The following DPYD variants were observed in gnomAD, a reference collection of about 807,000 sequenced individuals.
DPYD encodes the protein dihydropyrimidine dehydrogenase.
A neutral mutation model predicts 116.2 loss-of-function variants in DPYD; 109 were observed. The observed-to-expected ratio is 0.94, with a 90% CI of 0.80 to 1.10. The LOEUF is 1.10. DPYD is among the 50% of genes least tolerant of loss of function. The pLI is 0.00. For synonymous variants in DPYD, 440 were observed against 432.0 expected (o/e 1.02, Z -0.23); for missense variants, 1,302 against 1,254.5 (o/e 1.04, Z -0.57).
At position 97,562,975 on chromosome 1, in the gene DPYD, G is replaced by A. The variant is rs185867783; in HGVS notation, c.1339+10785C>T. ...CTCAAGTGATCCACCTGCCTCAGCC[G>A]CCCAAAGTGCTGGGATTACAGGCGT... is the stretch of plus-strand genomic sequence containing the variant. On this transcript the variant is annotated intron_variant, in intron 11 of 22. Coordinates refer to ENST00000370192, the MANE Select transcript of DPYD (RefSeq NM_000110.4). 8.6e-3 allele frequency among the ~76,000 whole-genome samples: 1,300 copies of A among 151,972 alleles called. 19 individuals carry two copies. Among genetic ancestry groups the A allele is most frequent in the African/African-American group, 0.029 (1,198 of 41,456 alleles).
chr1:97,301,638 T>C (rs1666870115), intron 18 of DPYD, among the ~76,000 whole-genome samples: 1 of 151,948 alleles, frequency 6.6e-6, no homozygotes, highest in Non-Finnish European at 1.5e-5. Flanking sequence ...TTCAAATGAA[T>C]TCACCCCATT....
chr1:97,113,968 C>G (rs569936528), intron 20 of DPYD, among the ~76,000 whole-genome samples: 1 of 152,120 alleles, frequency 6.6e-6, no homozygotes, highest in Non-Finnish European at 1.5e-5. Context: ...TTCTAAGTCT[C>G]CTTCTCATCA....
chr1:97,553,928 C>G (rs1271145933), intron 11 of DPYD, among the ~76,000 whole-genome samples: 1 of 152,082 alleles, frequency 6.6e-6, no homozygotes, highest in Non-Finnish European at 1.5e-5. Flanking sequence ...GTCCTTAATT[C>G]ATACCAAACA....
intron 18 of DPYD, among the ~76,000 whole-genome samples, chr1:97,291,205 G>T (rs1317686451): frequency 6.6e-6 from 1 of 152,086 alleles, no homozygotes; most frequent in African/African-American, 2.4e-5. Flanking sequence ...TGGAGAGGAT[G>T]TGGAGAAATA....
At chr1:97,103,483 G>C (rs1650905645) in intron 20 of DPYD, among the ~76,000 whole-genome samples, 1 of 152,078 alleles carries the variant, frequency 6.6e-6, no homozygotes. Flanking sequence ...CTATGTGATG[G>C]CTAATGATGC....
intron 16 of DPYD, among the ~76,000 whole-genome samples, chr1:97,355,865 G>T (rs768333208): frequency 3.4e-4 from 51 of 152,082 alleles, no homozygotes; most frequent in Admixed American, 1.4e-3. Context: ...GTTGCCTATT[G>T]TGAATAGTAC....
intron 2 of DPYD, among the ~76,000 whole-genome samples, chr1:97,866,493 G>A (rs1259413875): frequency 2.0e-5 from 3 of 151,884 alleles, no homozygotes; most frequent in Non-Finnish European, 4.4e-5. Flanking sequence ...TGGAATCTTT[G>A]TTTCATTCAT....
intron 12 of DPYD, chr1:97,546,300 A>G: frequency 7.0e-7 from 1 of 1,436,774 alleles, no homozygotes; most frequent in Non-Finnish European, 9.8e-7. Flanking sequence ...CACCTGTGCT[A>G]TTACCACAGT....
At chr1:97,545,741 A>C (rs903181199) in intron 12 of DPYD, 1 of 1,492,362 alleles carries the variant, frequency 6.7e-7, no homozygotes, top group Admixed American at 1.7e-5. Flanking sequence ...GAAGAAAGGG[A>C]ATTTCGTGCT....
chr1:97,608,358 G>C (rs1297586302), intron 8 of DPYD, among the ~76,000 whole-genome samples: 1 of 151,832 alleles, frequency 6.6e-6, no homozygotes, highest in Non-Finnish European at 1.5e-5. Flanking sequence ...CAAAACTAAA[G>C]CCCTGAACAA....
chr1:97,797,365 A>T (rs939445960), intron 3 of DPYD: 1 of 152,162 alleles, frequency 6.6e-6, no homozygotes, highest in Admixed American at 6.6e-5. Flanking sequence ...CAGTAGGAAG[A>T]TCAGTTACTC....
intron 12 of DPYD, among the ~76,000 whole-genome samples, chr1:97,542,287 T>C (rs1226383987): frequency 1.3e-5 from 2 of 152,212 alleles, no homozygotes; most frequent in African/African-American, 2.4e-5. Context: ...GCAAAACTTA[T>C]GGACCAAACA....
intron 18 of DPYD, among the ~76,000 whole-genome samples, chr1:97,267,019 A>G (rs1664279816): frequency 1.3e-5 from 2 of 152,124 alleles, no homozygotes; most frequent in Admixed American, 1.3e-4. Flanking sequence ...TAGTAACATG[A>G]TTTGTAATCC....
At chr1:97,725,496 T>C (rs1197646786) in intron 4 of DPYD, among the ~76,000 whole-genome samples, 3 of 151,406 alleles carry the variant, frequency 2.0e-5, no homozygotes, top group South Asian at 4.2e-4. Flanking sequence ...ATAGCTAAAA[T>C]GAAAAATAAG....
At chr1:97,216,099 C>A (rs902650825) in intron 19 of DPYD, among the ~76,000 whole-genome samples, 1 of 152,104 alleles carries the variant, frequency 6.6e-6, no homozygotes, top group African/African-American at 2.4e-5. Context: ...TTTCTTTCAA[C>A]TGGAATTTTC....
At chr1:97,765,573 C>G (rs1011185021) in intron 3 of DPYD, among the ~76,000 whole-genome samples, 2 of 152,170 alleles carry the variant, frequency 1.3e-5, no homozygotes, top group Non-Finnish European at 2.9e-5. Flanking sequence ...AGTTTGACAG[C>G]CTTACTCCTT....
chr1:97,420,281 G>A lies in DPYD; in HGVS notation c.1905+29778C>T, dbSNP rs935807115. The A allele has an allele frequency of 5.9e-5, 9 of 152,448 alleles. No homozygotes were observed. In the East Asian group the frequency reaches 7.7e-4, roughly 13 times the overall value. The allele number at this position is 152,448 out of a possible 1,614,324, so 9.4% of individuals were successfully genotyped here. Reference sequence around the variant, plus strand: ...TCCGTCTTCCAGATGCAGATACTGCGTCGAAGGGAGGCGAGTGGATCTGAG... The same window carrying A: ...TCCGTCTTCCAGATGCAGATACTGCATCGAAGGGAGGCGAGTGGATCTGAG... On this transcript the variant is annotated intron_variant, in intron 14 of 22. Coordinates refer to ENST00000370192, the MANE Select transcript of DPYD (RefSeq NM_000110.4).
At chr1:97,533,287 T>C (rs1029112654) in intron 12 of DPYD, among the ~76,000 whole-genome samples, 5 of 152,172 alleles carry the variant, frequency 3.3e-5, no homozygotes, top group Admixed American at 2.6e-4. Context: ...TCTGTTAATA[T>C]AATAGCATGT....
At chr1:97,626,671 A>G (rs1656950887) in intron 8 of DPYD, among the ~76,000 whole-genome samples, 1 of 152,070 alleles carries the variant, frequency 6.6e-6, no homozygotes, top group Non-Finnish European at 1.5e-5. Flanking sequence ...ATAGGTGGGA[A>G]AGATAAAGTC....
Sources: allele counts gnomAD v4.1 joint callset (sites outside exome capture counted in the v4.1 genomes callset), GRCh38; gene constraint gnomAD v4.1.1; transcripts MANE v1.5; gene names NCBI Gene and HGNC (gene_info 2026-07-23, HGNC 2026-07-21).